C1orf21: variants seen among roughly 807,000 people sequenced by gnomAD.
The protein encoded by C1orf21 is uncharacterized protein C1orf21.
In C1orf21, 3 loss-of-function variants were observed where a neutral mutation model predicts 18.7. That is an observed-to-expected ratio of 0.16 (90% CI 0.07 to 0.42). C1orf21 has a LOEUF of 0.42. Among genes scored for constraint, C1orf21 ranks in the 10% least tolerant of loss-of-function variants. C1orf21 has a pLI of 0.99. For synonymous variants in C1orf21, 41 were observed against 46.4 expected (o/e 0.88, Z 0.47); for missense variants, 104 against 143.6 (o/e 0.72, Z 1.41).
At chr1:184,573,680 A>G (rs1659145556) in intron 3 of C1orf21, among the ~76,000 whole-genome samples, 2 of 152,164 alleles carry the variant, frequency 1.3e-5, no homozygotes, top group South Asian at 4.1e-4. Flanking sequence ...CTTTGAAAAA[A>G]TAATATGATA....
intron 2 of C1orf21, among the ~76,000 whole-genome samples, chr1:184,484,143 G>A (rs770015576): frequency 1.3e-5 from 2 of 152,056 alleles, no homozygotes; most frequent in Non-Finnish European, 2.9e-5. Context: ...TGGCCAGGCT[G>A]GTCTTGAACT....
At chr1:184,429,396 A>AT (rs1656696042) in intron 1 of C1orf21, among the ~76,000 whole-genome samples, 2 of 152,208 alleles carry the variant, frequency 1.3e-5, no homozygotes, top group South Asian at 4.1e-4. Flanking sequence ...CAAATGACAT[A>AT]ATTTTTTTCT....
intron 1 of C1orf21, among the ~76,000 whole-genome samples, chr1:184,448,986 G>A (rs776391163): frequency 3.5e-4 from 54 of 152,138 alleles, no homozygotes; most frequent in Non-Finnish European, 6.0e-4. Flanking sequence ...TTAAGGTGAC[G>A]AAACTTAATT....
rs532858607 is a variant in C1orf21, at chr1:184,537,024, A to G, written c.189+29342A>G. Reference sequence around the variant, plus strand: ...ACAAAGTACTAATTCCCTCCCTTGCATAGCCCAGGTTATATACGGGCTATG... The same window carrying G: ...ACAAAGTACTAATTCCCTCCCTTGCGTAGCCCAGGTTATATACGGGCTATG... On this transcript the variant is annotated intron_variant, in intron 3 of 5. Coordinates refer to ENST00000235307, the MANE Select transcript of C1orf21 (RefSeq NM_030806.4). 3.9e-5 allele frequency among the ~76,000 whole-genome samples: 6 copies of G among 152,286 alleles called. No homozygotes were observed. In the East Asian group the frequency reaches 9.7e-4, roughly 24 times the overall value.
At chr1:184,504,941 T>A (rs1289516553) in intron 2 of C1orf21, among the ~76,000 whole-genome samples, 1 of 152,184 alleles carries the variant, frequency 6.6e-6, no homozygotes, top group East Asian at 1.9e-4. Context: ...GGCCTGTGTT[T>A]AGAATAATGC....
intron 1 of C1orf21, among the ~76,000 whole-genome samples, chr1:184,459,875 A>T (rs1478097123): frequency 6.6e-6 from 1 of 152,002 alleles, no homozygotes; most frequent in Non-Finnish European, 1.5e-5. Flanking sequence ...ATCCCAAAAA[A>T]CTTTTGCATC....
intron 4 of C1orf21, among the ~76,000 whole-genome samples, chr1:184,593,271 TTGTGTGTGTG>T (rs55802126): frequency 6.7e-6 from 1 of 149,692 alleles, no homozygotes; most frequent in Non-Finnish European, 1.5e-5. Flanking sequence ...AGCAGCATGC[TTGTGTGTGTG>T]TGTGTGTGTG....
At chr1:184,503,196 G>A (rs983668501) in intron 2 of C1orf21, among the ~76,000 whole-genome samples, 1 of 150,222 alleles carries the variant, frequency 6.7e-6, no homozygotes, top group Non-Finnish European at 1.5e-5. Context: ...TATACTAAGT[G>A]TACCAAAGCT....
Position 184,451,478 on chromosome 1 carries a change from T to A in C1orf21, c.-124-25908T>A, listed in dbSNP as rs1171519587. Among the ~76,000 whole-genome samples the A allele has an allele frequency of 7.8e-4, 116 of 148,036 alleles. 1 individual carries two copies. Among genetic ancestry groups the A allele is most frequent in the Middle Eastern group, 6.8e-3 (2 of 292 alleles). ...GCTAATTTAATTTTTTTTTTTTTTT[T>A]TTTTTTTGGAGAGACAGGGTCTCAC... On this transcript the variant is annotated intron_variant, in intron 1 of 5. Transcript: ENST00000235307.
chr1:184,495,814 G>T (rs907211490), intron 2 of C1orf21, among the ~76,000 whole-genome samples: 2 of 151,114 alleles, frequency 1.3e-5, no homozygotes, highest in Non-Finnish European at 2.9e-5. Flanking sequence ...AGCTACTCGG[G>T]AGACTGAGGC....
chr1:184,492,965 G>A (rs145836276), intron 2 of C1orf21, among the ~76,000 whole-genome samples: 81 of 152,276 alleles, frequency 5.3e-4, no homozygotes, highest in Admixed American at 2.2e-3. Context: ...TGAGAGTGTG[G>A]TTTTGTTTAT....
At chr1:184,608,224 T>A (rs984712473) in intron 5 of C1orf21, among the ~76,000 whole-genome samples, 3 of 152,218 alleles carry the variant, frequency 2.0e-5, no homozygotes, top group Admixed American at 6.5e-5. Context: ...TTTACATTCT[T>A]CATACTTTTC....
chr1:184,409,944 T>C (rs1196770207), intron 1 of C1orf21, among the ~76,000 whole-genome samples: 2 of 152,134 alleles, frequency 1.3e-5, no homozygotes, highest in Non-Finnish European at 2.9e-5. Flanking sequence ...GTATGAAAAA[T>C]TGGCAGACTT....
chr1:184,441,370 C>A (rs946808054), intron 1 of C1orf21, among the ~76,000 whole-genome samples: 29 of 152,204 alleles, frequency 1.9e-4, no homozygotes, highest in African/African-American at 6.3e-4. Flanking sequence ...AGGGCGAAGA[C>A]CTGGTTTGTC....
chr1:184,476,300 C>T (rs886077660), intron 1 of C1orf21, among the ~76,000 whole-genome samples: 4 of 152,086 alleles, frequency 2.6e-5, no homozygotes, highest in African/African-American at 4.8e-5. Flanking sequence ...GACGTGGGTG[C>T]TGATGAAGAT....
At chr1:184,489,514 C>T (rs928450170) in intron 2 of C1orf21, among the ~76,000 whole-genome samples, 1 of 152,166 alleles carries the variant, frequency 6.6e-6, no homozygotes, top group African/African-American at 2.4e-5. Context: ...AAAATAGTAA[C>T]ATATATCAAA....
Position 184,507,671 on chromosome 1 carries a change from C to A in C1orf21, c.178C>A (p.Gln60Lys), listed in dbSNP as rs201853423. 2.4e-4 allele frequency: 380 copies of A among 1,586,330 alleles called. No individual in the cohort carries two copies. Among genetic ancestry groups the A allele is most frequent in the Non-Finnish European group, 2.9e-4 (341 of 1,171,560 alleles). Reference protein sequence around the residue: ...EEEQKIAARNQENLEKSASSN... With the variant: ...EEEQKIAARNKENLEKSASSN... ...AGAGCAGAAAATAGCAGCCAGGAAC[C>A]AAGAAAACTTGGTAAGAATTGATTT... is the stretch of plus-strand genomic sequence containing the variant. The change falls in exon 3 of 6, where the codon CAA (glutamine) becomes AAA (lysine). Residue 60 changes from glutamine (Q) to lysine (K), a missense_variant. Gln to Lys is a moderately conservative substitution (Grantham distance 53, BLOSUM62 1). Transcript: ENST00000235307.
At chr1:184,604,836 G>A (rs1364245676) in intron 5 of C1orf21, among the ~76,000 whole-genome samples, 2 of 152,166 alleles carry the variant, frequency 1.3e-5, no homozygotes, top group Admixed American at 6.6e-5. Context: ...GAAAAGAAAT[G>A]CAACACACTT....
At chr1:184,557,896 C>G (rs1184818129) in intron 3 of C1orf21, among the ~76,000 whole-genome samples, 2 of 152,168 alleles carry the variant, frequency 1.3e-5, no homozygotes, top group East Asian at 3.8e-4. Context: ...GATAAAATCA[C>G]TGTGATTTGG....
Sources: gnomAD v4.1 joint callset for allele counts (sites outside exome capture counted in the v4.1 genomes callset) on GRCh38, gnomAD v4.1.1 for gene constraint, MANE v1.5 for transcripts, NCBI Gene and HGNC (gene_info 2026-07-23, HGNC 2026-07-21) for gene names.